Variants in RPH3A observed in about 807,000 individuals in gnomAD.
RPH3A encodes the protein rabphilin 3A.
A neutral mutation model predicts 102.2 loss-of-function variants in RPH3A; 48 were observed. That is an observed-to-expected ratio of 0.47 (90% CI 0.37 to 0.60). RPH3A has a LOEUF of 0.60. RPH3A is among the 20% of genes least tolerant of loss of function. RPH3A has a pLI of 0.00. For synonymous variants in RPH3A, 310 were observed against 324.3 expected (o/e 0.96, Z 0.47); for missense variants, 781 against 910.1 (o/e 0.86, Z 1.83).
At chr12:112,883,223 C>T in intron 15 of RPH3A, 70 bp from the exon 16 acceptor site, 1 of 1,277,478 alleles carries the variant, frequency 7.8e-7, no homozygotes, top group Non-Finnish European at 1.1e-6. Flanking sequence ...CACGTCAGCC[C>T]AAACGATGGG....
intron 2 of RPH3A, among the ~76,000 whole-genome samples, chr12:112,823,545 G>T (rs969906405): frequency 6.6e-6 from 1 of 152,212 alleles, no homozygotes; most frequent in African/African-American, 2.4e-5. Context: ...ACAAGTCTTT[G>T]CTGTGTGCTA....
At chr12:112,683,782 C>A (rs980164138) in intron 1 of RPH3A, among the ~76,000 whole-genome samples, 1 of 152,062 alleles carries the variant, frequency 6.6e-6, no homozygotes, top group African/African-American at 2.4e-5. Flanking sequence ...CCTGATCTTG[C>A]CATACTGGAG....
intron 1 of RPH3A, among the ~76,000 whole-genome samples, chr12:112,767,298 T>C (rs1224586384): frequency 6.6e-6 from 1 of 152,178 alleles, no homozygotes; most frequent in Non-Finnish European, 1.5e-5. Flanking sequence ...AGGGCAATGC[T>C]ATTGGCATCC....
At chr12:112,790,872 CT>C (rs2041092078), upstream of RPH3A, among the ~76,000 whole-genome samples, 2 of 152,210 alleles carry the variant, frequency 1.3e-5, no homozygotes, top group Non-Finnish European at 2.9e-5. Context: ...TCCTTTATCA[CT>C]CTGTCCAAAC....
intron 1 of RPH3A, among the ~76,000 whole-genome samples, chr12:112,580,087 C>G (rs187405788): frequency 6.6e-6 from 1 of 152,018 alleles, no homozygotes; most frequent in East Asian, 1.9e-4. Context: ...AAACAGATAC[C>G]GTGTCTATTT....
chr12:112,684,004 T>A (rs77577467), intron 1 of RPH3A, among the ~76,000 whole-genome samples: 2,059 of 152,318 alleles, frequency 0.014, 29 homozygotes, highest in African/African-American at 0.046. Flanking sequence ...GATGATAAAA[T>A]ACATATGTGA....
intron 1 of RPH3A, among the ~76,000 whole-genome samples, chr12:112,729,409 C>A (rs2040617834): frequency 6.6e-6 from 1 of 152,152 alleles, no homozygotes; most frequent in African/African-American, 2.4e-5. Flanking sequence ...TGGTCTTGAA[C>A]TCCTGGGCTC....
chr12:112,745,020 T>G (rs908070316), intron 1 of RPH3A, among the ~76,000 whole-genome samples: 1 of 152,248 alleles, frequency 6.6e-6, no homozygotes, highest in Non-Finnish European at 1.5e-5. Context: ...TTATTCTCTG[T>G]CCAAGATCTA....
At chr12:112,711,195 C>G (rs1236924457) in intron 1 of RPH3A, among the ~76,000 whole-genome samples, 1 of 152,110 alleles carries the variant, frequency 6.6e-6, no homozygotes, top group Non-Finnish European at 1.5e-5. Flanking sequence ...TTCTTAGGCT[C>G]ATTCCTGGAC....
chr12:112,690,120 TC>T (rs1207726962), intron 1 of RPH3A, among the ~76,000 whole-genome samples: 1 of 152,226 alleles, frequency 6.6e-6, no homozygotes, highest in Non-Finnish European at 1.5e-5. Flanking sequence ...TGTTTTTCCT[TC>T]CATTTAAGTA....
chr12:112,667,468 T>C (rs1375780089), intron 1 of RPH3A, among the ~76,000 whole-genome samples: 2 of 152,058 alleles, frequency 1.3e-5, no homozygotes, highest in African/African-American at 4.8e-5. Flanking sequence ...CAGGAGTAAT[T>C]TGTGATTTTT....
intron 1 of RPH3A, among the ~76,000 whole-genome samples, chr12:112,728,691 G>A (rs1195959126): frequency 6.6e-6 from 1 of 152,020 alleles, no homozygotes; most frequent in Non-Finnish European, 1.5e-5. Flanking sequence ...CTTGTTTGGT[G>A]TCATACACCA....
rs897085810 is a variant in RPH3A, at chr12:112,897,519, A to G, written c.*739A>G. On this transcript the variant is annotated 3_prime_UTR_variant, in exon 22 of 22. Coordinates refer to ENST00000389385, the MANE Select transcript of RPH3A (RefSeq NM_001143854.2). ...TCCTCCCTCTTCTTTCCCTTCCATG[A>G]TAGTAGATTCTCTCTTTCTCAGCCT... is the stretch of plus-strand genomic sequence containing the variant. The G allele has an allele frequency of 6.6e-6, 1 of 152,256 alleles. No individual in the cohort carries two copies. The highest frequency in any genetic ancestry group is 1.5e-5 in the Non-Finnish European group (1 of 68,186). 9.4% of individuals were successfully genotyped at this position (152,256 alleles called of 1,614,324 possible). A position where few individuals can be genotyped will look rare whatever the true frequency, so the allele number is the denominator to read the frequency against.
chr12:112,630,970 G>A (rs577167827), intron 1 of RPH3A, among the ~76,000 whole-genome samples: 1 of 152,256 alleles, frequency 6.6e-6, no homozygotes, highest in South Asian at 2.1e-4. Context: ...GGTTAGATGG[G>A]CAGGTGTGAG....
chr12:112,639,860 T>C (rs2039874231), intron 1 of RPH3A, among the ~76,000 whole-genome samples: 1 of 152,148 alleles, frequency 6.6e-6, no homozygotes, highest in East Asian at 1.9e-4. Flanking sequence ...ATCTACCTGT[T>C]GGTGGGTGCT....
At chr12:112,684,195 C>T (rs2040246378) in intron 1 of RPH3A, among the ~76,000 whole-genome samples, 1 of 152,100 alleles carries the variant, frequency 6.6e-6, no homozygotes, top group African/African-American at 2.4e-5. Flanking sequence ...GCTCCTAAAA[C>T]ATTGTACCAG....
At position 112,709,013 on chromosome 12, in the gene RPH3A, A is replaced by C. The variant is rs76991969; in HGVS notation, c.-139-83130A>C. Reference sequence around the variant, plus strand: ...ACAGCAATTATATAAGGTTTCTGTCAAAAAATTTTCTCTATTTTTATGGCA... The same window carrying C: ...ACAGCAATTATATAAGGTTTCTGTCCAAAAATTTTCTCTATTTTTATGGCA... On this transcript the variant is annotated intron_variant, in intron 1 of 21. Transcript: ENST00000543106. Among the ~76,000 whole-genome samples, 29 of 152,312 alleles carry C rather than the reference A, an allele frequency of 1.9e-4. No homozygotes were observed. The East Asian group carries it at 4.6e-3, about 24-fold the overall frequency.
chr12:112,725,811 T>TTG (rs2040584925), intron 1 of RPH3A, among the ~76,000 whole-genome samples: 2 of 133,508 alleles, frequency 1.5e-5, no homozygotes, highest in Non-Finnish European at 3.3e-5. Flanking sequence ...TGTTGTTGTT[T>TTG]TTGAGACGGA....
At chr12:112,809,136 A>T (rs2041523669) in intron 2 of RPH3A, among the ~76,000 whole-genome samples, 2 of 152,280 alleles carry the variant, frequency 1.3e-5, no homozygotes, top group Non-Finnish European at 2.9e-5. Flanking sequence ...CATCTGTATA[A>T]TGGACCCTAA....
Sources: gnomAD v4.1 joint callset for allele counts (sites outside exome capture counted in the v4.1 genomes callset) on GRCh38, gnomAD v4.1.1 for gene constraint, MANE v1.5 for transcripts, NCBI Gene and HGNC (gene_info 2026-07-23, HGNC 2026-07-21) for gene names.